SYNE2: variants seen among roughly 807,000 people sequenced by gnomAD.
The protein encoded by SYNE2 is spectrin repeat containing nuclear envelope protein 2.
A neutral mutation model predicts 856.3 loss-of-function variants in SYNE2; 431 were observed. The observed-to-expected ratio is 0.50, with a 90% CI of 0.47 to 0.55. SYNE2 has a LOEUF of 0.55. Ranked by LOEUF, SYNE2 falls within the 20% of genes least tolerant of loss-of-function variation. The pLI, the probability that SYNE2 is intolerant of heterozygous loss-of-function variation, is 0.00. For synonymous variants in SYNE2, 2,923 were observed against 2,872.3 expected, an observed-to-expected ratio of 1.02 and a Z score of -0.56; for missense variants, 8,129 against 8,023.2, an observed-to-expected ratio of 1.01 and a Z score of -0.50.
chr14:63,851,229 C>T (rs531851226), upstream of SYNE2, among the ~76,000 whole-genome samples: 1 of 152,098 alleles, frequency 6.6e-6, no homozygotes, highest in South Asian at 2.1e-4. Context: ...GGCATGGTGG[C>T]GGGCGCCTGT....
intron 1 of SYNE2, among the ~76,000 whole-genome samples, chr14:63,831,528 T>C (rs1027350568): frequency 2.0e-5 from 3 of 150,540 alleles, no homozygotes; most frequent in African/African-American, 4.9e-5. Flanking sequence ...AAATAGATAA[T>C]ATTAGAATAT....
At chr14:63,779,139 G>C (rs530347381) in intron 1 of SYNE2, among the ~76,000 whole-genome samples, 5 of 151,612 alleles carry the variant, frequency 3.3e-5, no homozygotes, top group Admixed American at 1.3e-4. Flanking sequence ...GGCAAACATG[G>C]TGAAACCCCA....
In SYNE2 at chr14:64,048,171, AAC is replaced by A; in HGVS notation, c.7377+19_7377+20del. ...AGAGATAGAGGTATGGAAACATAAA[AAC>A]ACTGACAACATGATTGCATCATTTA... On this transcript the variant is annotated intron_variant, in intron 46 of 115. Transcript: ENST00000555002. The A allele has an allele frequency of 6.2e-7, 1 of 1,609,878 alleles. No individual in the cohort carries two copies. Among genetic ancestry groups the A allele is most frequent in the Non-Finnish European group, 8.5e-7 (1 of 1,177,312 alleles).
chr14:64,047,706 C>G (rs917709638), intron 45 of SYNE2, among the ~76,000 whole-genome samples: 2 of 152,168 alleles, frequency 1.3e-5, no homozygotes, highest in African/African-American at 4.8e-5. Context: ...AAAGCATACA[C>G]TTTTGGGGTT....
intron 23 of SYNE2, among the ~76,000 whole-genome samples, chr14:63,996,647 T>C (rs2096716075): frequency 6.6e-6 from 1 of 152,154 alleles, no homozygotes. Context: ...CTTCCACATA[T>C]AGCTCAGATG....
At chr14:64,022,712 C>A in intron 37 of SYNE2, 39 bp from the exon 38 acceptor site, 1 of 1,033,284 alleles carries the variant, frequency 9.7e-7, no homozygotes, top group African/African-American at 1.6e-5. Context: ...TGTATGAAGT[C>A]TTCCTTGAAT....
intron 1 of SYNE2, among the ~76,000 whole-genome samples, chr14:63,762,611 T>TA (rs1886531185): frequency 6.7e-6 from 1 of 149,564 alleles, no homozygotes; most frequent in Admixed American, 6.7e-5. Flanking sequence ...TTTTTTTTTT[T>TA]AATAAATTGA....
At chr14:64,093,323 T>C (rs755675127) in intron 60 of SYNE2, 26 bp from the exon 61 acceptor site, 26 of 1,612,830 alleles carry the variant, frequency 1.6e-5, no homozygotes, top group Non-Finnish European at 2.1e-5. Flanking sequence ...TGACAAAGAT[T>C]CTTTTTTGTG....
chr14:63,794,958 C>T (rs764744554), intron 1 of SYNE2, among the ~76,000 whole-genome samples: 3 of 152,170 alleles, frequency 2.0e-5, no homozygotes, highest in Admixed American at 6.6e-5. Context: ...TGTATGTGAA[C>T]CGTTTTTATT....
intron 107 of SYNE2, chr14:64,215,668 C>T (rs1228850272): frequency 6.3e-6 from 3 of 477,198 alleles, no homozygotes; most frequent in Non-Finnish European, 1.1e-5. Flanking sequence ...ATGGGCCAAG[C>T]TTTCTTCATG....
intron 94 of SYNE2, among the ~76,000 whole-genome samples, chr14:64,171,551 G>GC (rs2098410769): frequency 6.6e-6 from 1 of 152,112 alleles, no homozygotes; most frequent in Admixed American, 6.6e-5. Context: ...ATTTAACCTG[G>GC]GACTGAATGA....
At chr14:63,988,880 C>T (rs2096645673) in intron 19 of SYNE2, among the ~76,000 whole-genome samples, 1 of 152,160 alleles carries the variant, frequency 6.6e-6, no homozygotes, top group African/African-American at 2.4e-5. Flanking sequence ...TCAATTACCT[C>T]TCACCGGGTG....
At position 63,964,001 on chromosome 14, in the gene SYNE2, G is replaced by C; in HGVS notation, c.990+1G>C. On this transcript the variant is annotated splice_donor_variant, in intron 10 of 115. Coordinates refer to ENST00000555002, the MANE Select transcript of SYNE2 (RefSeq NM_182914.3). LOFTEE classifies it high-confidence loss of function. ...TGATACCTACTTTAAAAAGTATAAT[G>C]TAAGTATGATTTTAAACAGCTGTTT... 2 of 1,549,150 alleles carry C rather than the reference G, an allele frequency of 1.3e-6. No individual in the cohort carries two copies. The highest frequency in any genetic ancestry group is 1.1e-5 in the South Asian group (1 of 88,958).
chr14:63,854,143 C>A (rs1891141996), intron 1 of SYNE2, among the ~76,000 whole-genome samples: 1 of 151,408 alleles, frequency 6.6e-6, no homozygotes, highest in East Asian at 2.0e-4. Context: ...TTCTTTCAAG[C>A]CGCTCCACAC....
chr14:63,967,490 C>G (rs1443334361), intron 10 of SYNE2, among the ~76,000 whole-genome samples: 1 of 152,174 alleles, frequency 6.6e-6, no homozygotes, highest in South Asian at 2.1e-4. Flanking sequence ...CAACAATACA[C>G]AAAGCACAGA....
At position 64,132,410 on chromosome 14, in the gene SYNE2, G is replaced by T; in HGVS notation, c.14486G>T (p.Cys4829Phe). Residue 4829 changes from cysteine to phenylalanine, a missense_variant, in exon 77 of 116, where the codon TGT (cysteine) becomes TTT (phenylalanine). Coordinates refer to ENST00000555002, the MANE Select transcript of SYNE2 (RefSeq NM_182914.3). ...ATACTAGAAGAAAAGTCACGCCAAT[G>T]TGGTATGAAGCTGCAGAGTTTGTTG... ...VKILEEKSRQ[C>F]GMKLQSLLQK... The T allele has an allele frequency of 6.2e-7, 1 of 1,614,240 alleles. No individual in the cohort carries two copies. Among genetic ancestry groups the T allele is most frequent in the South Asian group, 1.1e-5 (1 of 91,082 alleles).
intron 1 of SYNE2, among the ~76,000 whole-genome samples, chr14:63,790,397 AAAG>A (rs1566568031): frequency 6.6e-6 from 1 of 152,016 alleles, no homozygotes; most frequent in Non-Finnish European, 1.5e-5. Context: ...AAAAAGAAAG[AAAG>A]AAGGAGTGCT....
At chr14:64,084,844 G>T in intron 57 of SYNE2, 1 of 650,304 alleles carries the variant, frequency 1.5e-6, no homozygotes, top group Middle Eastern at 3.9e-4. Context: ...TGCGGTCAAG[G>T]TGTCGACAAA....
chr14:64,193,506 C>T (rs1461937508), intron 99 of SYNE2, among the ~76,000 whole-genome samples: 3 of 151,990 alleles, frequency 2.0e-5, no homozygotes, highest in African/African-American at 7.3e-5. Flanking sequence ...GCCTTGATCA[C>T]ACCACTGCTC....
Sources: gnomAD v4.1 joint callset for allele counts (sites outside exome capture counted in the v4.1 genomes callset) on GRCh38, gnomAD v4.1.1 for gene constraint, MANE v1.5 for transcripts, NCBI Gene and HGNC (gene_info 2026-07-23, HGNC 2026-07-21) for gene names.